KCTD6: variants seen among roughly 807,000 people sequenced by gnomAD.
The protein encoded by KCTD6 is potassium channel tetramerization domain containing 6, also known as BTB/POZ domain-containing protein KCTD6.
Under a neutral mutation model 18.7 loss-of-function variants are expected in KCTD6, and 6 were observed. The ratio of observed to expected loss-of-function variants is 0.32; its 90% CI spans 0.18 to 0.63. The LOEUF (loss-of-function observed/expected upper bound fraction) is 0.63, where lower values mean the gene tolerates loss of function less well. Among genes scored for constraint, KCTD6 ranks in the 30% least tolerant of loss-of-function variants. The pLI, the probability that KCTD6 is intolerant of heterozygous loss-of-function variation, is 0.79. For synonymous variants in KCTD6, 86 were observed against 108.5 expected (o/e 0.79, Z 1.29); for missense variants, 165 against 300.2 (o/e 0.55, Z 3.33).
At position 58,496,213 on chromosome 3, in the gene KCTD6, C is replaced by T. The variant is rs888904863; in HGVS notation, c.-43-2500C>T. Among the ~76,000 whole-genome samples the T allele has an allele frequency of 4.6e-5, 7 of 152,030 alleles. No homozygotes were observed. The highest frequency in any genetic ancestry group is 1.7e-4 in the African/African-American group (7 of 41,384). On this transcript the variant is annotated intron_variant, in intron 1 of 2. Transcript: ENST00000404589. This position sits in a 1 kb window ranked among gnomAD's most constrained non-coding sequence, Gnocchi z 5.1. ...GTTACTGTAAAATTTGTAAATAAAA[C>T]CCTACTGGATGGATAGGGTTAATAG... is the stretch of plus-strand genomic sequence containing the variant.
At chr3:58,500,063 C>T (rs1214432786) in intron 2 of KCTD6, among the ~76,000 whole-genome samples, 1 of 151,880 alleles carries the variant, frequency 6.6e-6, no homozygotes, top group Non-Finnish European at 1.5e-5. Flanking sequence ...GAAAGTATCA[C>T]TTCCATGAAA....
At chr3:58,499,630 C>A (rs1458756842) in intron 2 of KCTD6, among the ~76,000 whole-genome samples, 1 of 144,910 alleles carries the variant, frequency 6.9e-6, no homozygotes, top group Non-Finnish European at 1.5e-5. Context: ...TCATGACTTT[C>A]CAAGCTCAGG....
rs760985197 is a variant in KCTD6 at position 58,497,379 on chromosome 3, G to A, written c.-43-1334G>A. Reference sequence around the variant, plus strand: ...TTCTGTGCCAGATTCCTCTAAAAGTGGGAAAAGTGAATCTGTTAAAGGACC... The same window carrying A: ...TTCTGTGCCAGATTCCTCTAAAAGTAGGAAAAGTGAATCTGTTAAAGGACC... On this transcript the variant is annotated intron_variant, in intron 1 of 2. Coordinates refer to ENST00000404589, the MANE Select transcript of KCTD6 (RefSeq NM_001128214.2). The surrounding 1 kb of genome is among the most constrained non-coding windows in gnomAD (Gnocchi z 4.2). 3.3e-5 allele frequency among the ~76,000 whole-genome samples: 5 copies of A among 152,214 alleles called. No individual in the cohort carries two copies. Among genetic ancestry groups the A allele is most frequent in the African/African-American group, 7.2e-5 (3 of 41,434 alleles).
Position 58,493,729 on chromosome 3 carries a change from A to G in KCTD6, c.-44+1560A>G, listed in dbSNP as rs1305831192. Among the ~76,000 whole-genome samples, 4 of 152,204 alleles carry G rather than the reference A, an allele frequency of 2.6e-5. No homozygotes were observed. Among genetic ancestry groups the G allele is most frequent in the Non-Finnish European group, 5.9e-5 (4 of 68,030 alleles). On this transcript the variant is annotated intron_variant, in intron 1 of 2. Coordinates refer to ENST00000404589, the MANE Select transcript of KCTD6 (RefSeq NM_001128214.2). The surrounding 1 kb of genome is among the most constrained non-coding windows in gnomAD (Gnocchi z 4.5). ...ACTTGTGTTCACACTCAAGTTTCTC[A>G]TGTTAACCTAGAAATTTTGTTTATG... is the stretch of plus-strand genomic sequence containing the variant.
chr3:58,496,868 T>C lies in KCTD6; in HGVS notation c.-43-1845T>C, dbSNP rs2107974757. On this transcript the variant is annotated intron_variant, in intron 1 of 2. Transcript: ENST00000404589. The surrounding 1 kb of genome is among the most constrained non-coding windows in gnomAD (Gnocchi z 5.1). ...TGAATGATTATTGAGGCTGTCAGAA[T>C]GAATACTTTGGGTGATGGGAAAATG... Among the ~76,000 whole-genome samples the C allele has an allele frequency of 6.6e-6, 1 of 152,354 alleles. No homozygotes were observed. The highest frequency in any genetic ancestry group is 2.4e-5 in the African/African-American group (1 of 41,580).
intron 1 of KCTD6, among the ~76,000 whole-genome samples, chr3:58,495,939 G>GA (rs1435267491): frequency 1.4e-5 from 2 of 147,150 alleles, no homozygotes; most frequent in East Asian, 4.0e-4. Context: ...CAGTAAAAAA[G>GA]AAAAAAAGGG....
rs755592447 is a variant in KCTD6 at position 58,493,553 on chromosome 3, TG to T, written c.-44+1386del. Among the ~76,000 whole-genome samples the T allele has an allele frequency of 3.5e-4, 53 of 152,334 alleles. No individual in the cohort carries two copies. Among genetic ancestry groups the T allele is most frequent in the Admixed American group, 4.6e-4 (7 of 15,304 alleles). ...TTCTGAGATCAGGAGCTCAGGTGTTTGGTGAACTCTGGGAAAACTAGACACT... is the reference window on the plus strand; with the variant it reads ...TTCTGAGATCAGGAGCTCAGGTGTTTGTGAACTCTGGGAAAACTAGACACT... On this transcript the variant is annotated intron_variant, in intron 1 of 2. Coordinates refer to ENST00000404589, the MANE Select transcript of KCTD6 (RefSeq NM_001128214.2). This position sits in a 1 kb window ranked among gnomAD's most constrained non-coding sequence, Gnocchi z 4.5.
Position 58,498,706 on chromosome 3 carries a change from CT to C in KCTD6, c.-43-5del. The C allele has an allele frequency of 6.7e-7, 1 of 1,490,464 alleles. No homozygotes were observed. The highest frequency in any genetic ancestry group is 9.3e-7 in the Non-Finnish European group (1 of 1,070,102). 92.3% of individuals were successfully genotyped at this position (1,490,464 alleles called of 1,614,324 possible). A position where few individuals can be genotyped will look rare whatever the true frequency, so the allele number is the denominator to read the frequency against. ...GCTATCATATGTCTGTTTTTCTCCT[CT>C]TGAAGTTTCCCTGAAACCTGGGCTC... On this transcript the variant is annotated splice_region_variant and splice_polypyrimidine_tract_variant and intron_variant, in intron 1 of 2. Coordinates refer to ENST00000404589, the MANE Select transcript of KCTD6 (RefSeq NM_001128214.2). This position sits in a 1 kb window ranked among gnomAD's most constrained non-coding sequence, Gnocchi z 4.6.
At position 58,493,713 on chromosome 3, in the gene KCTD6, C is replaced by T. The variant is rs2107972889; in HGVS notation, c.-44+1544C>T. Among the ~76,000 whole-genome samples the T allele has an allele frequency of 6.6e-6, 1 of 152,344 alleles. No homozygotes were observed. The highest frequency in any genetic ancestry group is 2.4e-5 in the African/African-American group (1 of 41,578). On this transcript the variant is annotated intron_variant, in intron 1 of 2. Coordinates refer to ENST00000404589, the MANE Select transcript of KCTD6 (RefSeq NM_001128214.2). The surrounding 1 kb of genome is among the most constrained non-coding windows in gnomAD (Gnocchi z 4.5). ...GCCAATGCTCTAAATTACTTGTGTTCACACTCAAGTTTCTCATGTTAACCT... is the reference window on the plus strand; with the variant it reads ...GCCAATGCTCTAAATTACTTGTGTTTACACTCAAGTTTCTCATGTTAACCT...
intron 1 of KCTD6, chr3:58,494,502 C>G (rs1170274362): frequency 6.6e-6 from 1 of 152,176 alleles, no homozygotes; most frequent in African/African-American, 2.4e-5. Flanking sequence ...TGCCTGGAAA[C>G]TCTGGGAAGT....
In KCTD6 at chr3:58,495,180, C is replaced by A. The variant is rs111673872; in HGVS notation, c.-44+3011C>A. 6.0e-3 allele frequency among the ~76,000 whole-genome samples: 912 copies of A among 152,232 alleles called. 4 individuals carry two copies. Among genetic ancestry groups the A allele is most frequent in the Non-Finnish European group, 0.01 (710 of 67,978 alleles). On this transcript the variant is annotated intron_variant, in intron 1 of 2. Coordinates refer to ENST00000404589, the MANE Select transcript of KCTD6 (RefSeq NM_001128214.2). The stretch of plus-strand genomic sequence containing the variant: ...AGATTTTCTGAAATATTAGATATTT[C>A]TTTGCTTTCATCAAGTAAAATAGGC...
chr3:58,501,099 G>A lies in KCTD6; in HGVS notation c.181G>A (p.Asp61Asn). 3 of 1,614,162 alleles carry A rather than the reference G, an allele frequency of 1.9e-6. No individual in the cohort carries two copies. The highest frequency in any genetic ancestry group is 2.5e-6 in the Non-Finnish European group (3 of 1,180,022). The change falls in exon 3 of 3, where the codon GAT becomes AAT. Residue 61 changes from aspartate (D) to asparagine (N), a missense_variant. By Grantham distance (23) the Asp-to-Asn change is conservative (BLOSUM62 1). Coordinates refer to ENST00000404589, the MANE Select transcript of KCTD6 (RefSeq NM_001128214.2). This position sits in a 1 kb window ranked among gnomAD's most constrained non-coding sequence, Gnocchi z 9.7. ...DPQGNYFIDR[D>N]GPLFRYVLNF... ...TCAAGGCAATTACTTTATTGATCGA[G>A]ATGGACCTCTTTTCCGATATGTCCT...
In KCTD6 at chr3:58,493,693, T is replaced by G. The variant is rs1344452343; in HGVS notation, c.-44+1524T>G. ...TCCATATTTGCCGTCTCCAGGCCAA[T>G]GCTCTAAATTACTTGTGTTCACACT... On this transcript the variant is annotated intron_variant, in intron 1 of 2. Coordinates refer to ENST00000404589, the MANE Select transcript of KCTD6 (RefSeq NM_001128214.2). The surrounding 1 kb of genome is among the most constrained non-coding windows in gnomAD (Gnocchi z 4.5). Among the ~76,000 whole-genome samples, 1 of 152,240 alleles carries G rather than the reference T, an allele frequency of 6.6e-6. No individual in the cohort carries two copies. The highest frequency in any genetic ancestry group is 2.1e-4 in the South Asian group (1 of 4,838).
intron 2 of KCTD6, among the ~76,000 whole-genome samples, chr3:58,499,740 A>T (rs2063196346): frequency 6.6e-6 from 1 of 151,834 alleles, no homozygotes; most frequent in Non-Finnish European, 1.5e-5. Context: ...GAGTTTTGTC[A>T]TGTTGCCCAG....
chr3:58,498,632 C>T lies in KCTD6; in HGVS notation c.-43-81C>T, dbSNP rs1257240626. The T allele has an allele frequency of 1.0e-5, 8 of 801,902 alleles. No homozygotes were observed. The highest frequency in any genetic ancestry group is 1.7e-5 in the African/African-American group (1 of 57,546). 49.7% of individuals were successfully genotyped at this position (801,902 alleles called of 1,614,324 possible). On this transcript the variant is annotated intron_variant, in intron 1 of 2. Transcript: ENST00000404589. The surrounding 1 kb of genome is among the most constrained non-coding windows in gnomAD (Gnocchi z 4.6). Reference sequence around the variant, plus strand: ...AGTAGTTTTTCTGGTGTTTGGCCTCCTCTGTTGGGTGGAAAAAGACTTTCT... The same window carrying T: ...AGTAGTTTTTCTGGTGTTTGGCCTCTTCTGTTGGGTGGAAAAAGACTTTCT...
Position 58,498,333 on chromosome 3 carries a change from C to G in KCTD6, c.-43-380C>G, listed in dbSNP as rs2063189158. The stretch of plus-strand genomic sequence containing the variant: ...GGTGAGGACCATTATAGGTTTGTAC[C>G]AGGATAAGGTTGTAGAGTTAATCAT... On this transcript the variant is annotated intron_variant, in intron 1 of 2. Transcript: ENST00000404589. This position sits in a 1 kb window ranked among gnomAD's most constrained non-coding sequence, Gnocchi z 4.6. 6.3e-6 allele frequency: 1 copy of G among 158,696 alleles called. No individual in the cohort carries two copies. Among genetic ancestry groups the G allele is most frequent in the Non-Finnish European group, 1.4e-5 (1 of 72,930 alleles). The allele number at this position is 158,696 out of a possible 1,614,324, so 9.8% of individuals were successfully genotyped here.
rs1196656976 is a variant in KCTD6, at chr3:58,496,588, T to C, written c.-43-2125T>C. On this transcript the variant is annotated intron_variant, in intron 1 of 2. Transcript: ENST00000404589. This position sits in a 1 kb window ranked among gnomAD's most constrained non-coding sequence, Gnocchi z 5.1. ...CCGAATTTTCTTTCAAGGATTCAAC[T>C]GAATGGGCTCTTCCCAGAAGTCCTC... Among the ~76,000 whole-genome samples, 1 of 152,232 alleles carries C rather than the reference T, an allele frequency of 6.6e-6. No homozygotes were observed. The highest frequency in any genetic ancestry group is 1.5e-5 in the Non-Finnish European group (1 of 68,036).
chr3:58,501,018 C>A lies in KCTD6; in HGVS notation c.100C>A (p.Pro34Thr). 6.2e-7 allele frequency: 1 copy of A among 1,613,808 alleles called. No individual in the cohort carries two copies. Among genetic ancestry groups the A allele is most frequent in the South Asian group, 1.1e-5 (1 of 91,014 alleles). The part of the protein sequence containing the change: ...TTSLTTLTRY[P>T]DSMLGAMFGG... ...GTCTCTCACCACATTGACGCGTTAC[C>A]CGGATTCCATGCTTGGAGCTATGTT... Residue 34 changes from proline (P) to threonine (T), a missense_variant, in exon 3 of 3, where the codon CCG (proline) becomes ACG (threonine). This residue lies in a region of KCTD6 where 59 missense variants were observed against 69.9 expected (regional missense o/e 0.84). Coordinates refer to ENST00000404589, the MANE Select transcript of KCTD6 (RefSeq NM_001128214.2). This position sits in a 1 kb window ranked among gnomAD's most constrained non-coding sequence, Gnocchi z 9.7.
chr3:58,494,542 G>T (rs1367935831), intron 1 of KCTD6: 1 of 152,116 alleles, frequency 6.6e-6, no homozygotes, highest in Non-Finnish European at 1.5e-5. Flanking sequence ...TTATTCGTTG[G>T]AGGTTTTTAT....
Sources: gnomAD v4.1 joint callset for allele counts (sites outside exome capture counted in the v4.1 genomes callset) on GRCh38, gnomAD v4.1.1 for gene constraint, gnomAD v4.1.1 regional missense constraint, Gnocchi (gnomAD v3.1) non-coding constraint, MANE v1.5 for transcripts, NCBI Gene and HGNC (gene_info 2026-07-23, HGNC 2026-07-21) for gene names.